Variants in CC2D2A observed in about 807,000 individuals in gnomAD.
CC2D2A encodes the protein coiled-coil and C2 domain containing 2A, also known as coiled-coil and C2 domain-containing protein 2A.
Under a neutral mutation model 212.9 loss-of-function variants are expected in CC2D2A, and 155 were observed. That is an observed-to-expected ratio of 0.73 (90% CI 0.64 to 0.83). CC2D2A has a LOEUF of 0.83. Among genes scored for constraint, CC2D2A ranks in the 40% least tolerant of loss-of-function variants. The probability of loss-of-function intolerance (pLI) is 0.00; values close to 1 mark genes in which losing one functional copy is unlikely to be tolerated. For missense variants in CC2D2A, 1,856 were observed against 1,956.2 expected, an observed-to-expected ratio of 0.95 and a Z score of 0.97; for synonymous variants, 667 against 686.5, an observed-to-expected ratio of 0.97 and a Z score of 0.44.
chr4:15,562,219 G>A (rs981303734), intron 23 of CC2D2A, among the ~76,000 whole-genome samples: 1 of 152,296 alleles, frequency 6.6e-6, no homozygotes, highest in South Asian at 2.1e-4. Context: ...TGCAAAGAGG[G>A]GCTCCAGTCA....
Position 15,528,637 on chromosome 4 carries a change from T to C in CC2D2A, c.1377T>C (p.Asn459=). 1 of 1,613,842 alleles carries C rather than the reference T, an allele frequency of 6.2e-7. No homozygotes were observed. Among genetic ancestry groups the C allele is most frequent in the Non-Finnish European group, 8.5e-7 (1 of 1,179,766 alleles). The change falls in exon 13 of 37, where the codon AAT becomes AAC. Residue 459 remains asparagine, a synonymous_variant. Transcript: ENST00000424120. ...GTTTTAAGCTCCAAGCTTTAAGAAA[T>C]GCTGTTCAGACTGGCCTTGATCCAG... The part of the protein sequence containing the change: ...FLTDKLQALR[N]AVQTGLDPEK...
chr4:15,554,345 G>A (rs1719166340), intron 19 of CC2D2A, among the ~76,000 whole-genome samples: 1 of 152,164 alleles, frequency 6.6e-6, no homozygotes, highest in African/African-American at 2.4e-5. Context: ...TGATCTCCAG[G>A]TGTCCAAAGC....
chr4:15,535,042 C>T (rs1718052632), intron 14 of CC2D2A, among the ~76,000 whole-genome samples: 1 of 151,948 alleles, frequency 6.6e-6, no homozygotes, highest in African/African-American at 2.4e-5. Context: ...AAGTGTAAGA[C>T]TGTGTGATCT....
chr4:15,537,098 C>G (rs1381738957), intron 15 of CC2D2A, 22 bp downstream of exon 15: 1 of 1,610,398 alleles, frequency 6.2e-7, no homozygotes, highest in Admixed American at 1.7e-5. Context: ...AACACTCAGC[C>G]TGGAATAGGG....
chr4:15,573,034 TG>T (rs1215181140), intron 28 of CC2D2A, among the ~76,000 whole-genome samples: 1 of 152,176 alleles, frequency 6.6e-6, no homozygotes, highest in Non-Finnish European at 1.5e-5. Context: ...TGCTGGCAGC[TG>T]ATCAGATGGT....
At chr4:15,554,639 GCGCT>G (rs1199272292) in intron 19 of CC2D2A, among the ~76,000 whole-genome samples, 2 of 152,210 alleles carry the variant, frequency 1.3e-5, no homozygotes, top group African/African-American at 4.8e-5. Flanking sequence ...TCGCACCACT[GCGCT>G]CTAGCCTGGC....
chr4:15,552,718 T>C (rs1315597882), intron 18 of CC2D2A, among the ~76,000 whole-genome samples: 1 of 152,232 alleles, frequency 6.6e-6, no homozygotes, highest in Non-Finnish European at 1.5e-5. Flanking sequence ...ACAGTTTTGC[T>C]TCTTTAGCGC....
chr4:15,515,486 C>G (rs1211119583), intron 9 of CC2D2A, among the ~76,000 whole-genome samples: 1 of 152,194 alleles, frequency 6.6e-6, no homozygotes, highest in Non-Finnish European at 1.5e-5. Context: ...CCCAGAAGCC[C>G]AGTTAAGTAG....
At chr4:15,496,875 C>T (rs1715649443) in intron 4 of CC2D2A, among the ~76,000 whole-genome samples, 1 of 152,190 alleles carries the variant, frequency 6.6e-6, no homozygotes, top group Middle Eastern at 3.4e-3. Flanking sequence ...AAGATCTCTA[C>T]TAGAAGAATT....
intron 20 of CC2D2A, among the ~76,000 whole-genome samples, chr4:15,555,757 A>G (rs1248988283): frequency 6.6e-6 from 1 of 151,980 alleles, no homozygotes; most frequent in Non-Finnish European, 1.5e-5. Flanking sequence ...AAACAAACAA[A>G]ACCCCTTTAT....
At chr4:15,504,912 C>T (rs1165489161) in intron 6 of CC2D2A, among the ~76,000 whole-genome samples, 1 of 152,158 alleles carries the variant, frequency 6.6e-6, no homozygotes, top group African/African-American at 2.4e-5. Flanking sequence ...ACATGAAGAG[C>T]ACAGATGCTG....
chr4:15,552,937 T>C (rs1719083003), intron 18 of CC2D2A, among the ~76,000 whole-genome samples: 1 of 152,006 alleles, frequency 6.6e-6, no homozygotes, highest in Non-Finnish European at 1.5e-5. Flanking sequence ...CACTCGAGAG[T>C]GCGTCATGAG....
chr4:15,589,798 T>C lies in CC2D2A; in HGVS notation c.4314+119T>C, dbSNP rs189601095. 152 of 262,002 alleles carry C rather than the reference T, an allele frequency of 5.8e-4. 3 individuals carry two copies. Among genetic ancestry groups the C allele is most frequent in the African/African-American group, 4.2e-3 (125 of 29,954 alleles). The allele number at this position is 262,002 out of a possible 1,614,324, so 16.2% of individuals were successfully genotyped here. ...TTATATAAATGAATATATATATATA[T>C]ACACACATATATATATACCAGTTAA... On this transcript the variant is annotated intron_variant, in intron 33 of 36. Transcript: ENST00000424120.
chr4:15,572,891 G>C (rs755214594), intron 28 of CC2D2A, among the ~76,000 whole-genome samples: 1 of 152,120 alleles, frequency 6.6e-6, no homozygotes, highest in African/African-American at 2.4e-5. Context: ...GTAAGTCCAA[G>C]AGTCCAAAAA....
intron 3 of CC2D2A, among the ~76,000 whole-genome samples, chr4:15,480,112 C>A (rs867235410): frequency 1.3e-5 from 2 of 152,138 alleles, no homozygotes; most frequent in Non-Finnish European, 2.9e-5. Flanking sequence ...AAAATGGGCT[C>A]TTTTTATTAT....
intron 4 of CC2D2A, among the ~76,000 whole-genome samples, chr4:15,489,566 T>G (rs983169183): frequency 3.9e-5 from 6 of 152,106 alleles, no homozygotes; most frequent in African/African-American, 1.4e-4. Context: ...AAGCCCCAAT[T>G]CCCTACCCTC....
At chr4:15,548,090 G>A (rs974560127) in intron 17 of CC2D2A, among the ~76,000 whole-genome samples, 1 of 148,972 alleles carries the variant, frequency 6.7e-6, no homozygotes, top group Non-Finnish European at 1.5e-5. Flanking sequence ...TATCTTAAGA[G>A]AGTAGGAAAT....
intron 4 of CC2D2A, among the ~76,000 whole-genome samples, chr4:15,500,102 T>TATATATATATATAC (rs1715847685): frequency 1.5e-5 from 1 of 67,412 alleles, no homozygotes; most frequent in Non-Finnish European, 3.6e-5. Flanking sequence ...TGTGTGTGTG[T>TATATATATATATAC]GTGTGTATAT....
At chr4:15,502,957 C>A in intron 6 of CC2D2A, 34 bp downstream of exon 6, 1 of 1,506,126 alleles carries the variant, frequency 6.6e-7, no homozygotes, top group Non-Finnish European at 9.0e-7. Context: ...GTGATCAAAA[C>A]CAGTAAAGCA....
Sources: allele counts gnomAD v4.1 joint callset (sites outside exome capture counted in the v4.1 genomes callset), GRCh38; gene constraint gnomAD v4.1.1; transcripts MANE v1.5; gene names NCBI Gene and HGNC (gene_info 2026-07-23, HGNC 2026-07-21).